CCDC6: variants seen among roughly 807,000 people sequenced by gnomAD.
CCDC6 encodes coiled-coil domain containing 6, also known as coiled-coil domain-containing protein 6.
In CCDC6, 20 loss-of-function variants were observed where a neutral mutation model predicts 56.6. The observed-to-expected ratio is 0.35, with a 90% confidence interval of 0.25 to 0.51. The LOEUF (loss-of-function observed/expected upper bound fraction) is 0.51, where lower values mean the gene tolerates loss of function less well. CCDC6 is among the 20% of genes least tolerant of loss of function. The pLI is 0.95. For synonymous variants in CCDC6, 241 were observed against 234.4 expected (o/e 1.03, Z -0.26); for missense variants, 367 against 601.1 (o/e 0.61, Z 4.07).
intron 3 of CCDC6, among the ~76,000 whole-genome samples, chr10:59,826,049 A>T (rs1317236950): frequency 6.6e-6 from 1 of 152,134 alleles, no homozygotes. Context: ...CCTTTAAGTC[A>T]TCCAGTGTCA....
intron 2 of CCDC6, among the ~76,000 whole-genome samples, chr10:59,852,238 A>T (rs970524411): frequency 1.5e-4 from 23 of 152,284 alleles, no homozygotes; most frequent in South Asian, 4.1e-4. Context: ...AAGGAGAAAA[A>T]TTTCACATTT....
chr10:59,888,590 C>G (rs2071399640), intron 1 of CCDC6, among the ~76,000 whole-genome samples: 1 of 152,130 alleles, frequency 6.6e-6, no homozygotes, highest in Admixed American at 6.5e-5. Context: ...GGCTTAATAG[C>G]AGAGGGGAGA....
At chr10:59,821,446 C>G (rs1177926355) in intron 3 of CCDC6, among the ~76,000 whole-genome samples, 1 of 152,174 alleles carries the variant, frequency 6.6e-6, no homozygotes, top group East Asian at 1.9e-4. Context: ...TGGAAGACAT[C>G]TGACCCTTGC....
At chr10:59,900,141 C>A (rs1203660688) in intron 1 of CCDC6, among the ~76,000 whole-genome samples, 1 of 152,016 alleles carries the variant, frequency 6.6e-6, no homozygotes, top group Non-Finnish European at 1.5e-5. Context: ...CAAATTCTGC[C>A]CCCAAAGAAA....
chr10:59,852,822 T>C, intron 1 of CCDC6, 120 bp from the exon 2 acceptor site: 4 of 732,532 alleles, frequency 5.5e-6, no homozygotes, highest in Non-Finnish European at 8.1e-6. Context: ...TAGAGCTCTA[T>C]TTTTAGCTGT....
At chr10:59,867,644 C>T (rs1313927304) in intron 1 of CCDC6, among the ~76,000 whole-genome samples, 1 of 152,170 alleles carries the variant, frequency 6.6e-6, no homozygotes, top group Non-Finnish European at 1.5e-5. Flanking sequence ...ACCTTGACTT[C>T]CCGGGCTTGA....
intron 2 of CCDC6, among the ~76,000 whole-genome samples, chr10:59,848,578 G>T (rs1056973184): frequency 6.6e-6 from 1 of 152,076 alleles, no homozygotes; most frequent in Non-Finnish European, 1.5e-5. Context: ...CCTGGAAGGT[G>T]AACTGAGATC....
intron 1 of CCDC6, among the ~76,000 whole-genome samples, chr10:59,885,390 A>G (rs1263527579): frequency 1.3e-5 from 2 of 152,220 alleles, no homozygotes; most frequent in East Asian, 1.9e-4. Flanking sequence ...AATTTATTCA[A>G]CTAAAGAAAG....
chr10:59,868,429 C>T (rs376665759), intron 1 of CCDC6, among the ~76,000 whole-genome samples: 4 of 152,122 alleles, frequency 2.6e-5, no homozygotes, highest in Non-Finnish European at 5.9e-5. Context: ...TCCAGCCCGC[C>T]GCCACTAGAC....
At chr10:59,840,502 G>A (rs981793441) in intron 2 of CCDC6, among the ~76,000 whole-genome samples, 1 of 152,144 alleles carries the variant, frequency 6.6e-6, no homozygotes, top group Admixed American at 6.5e-5. Flanking sequence ...CACCTCCTGA[G>A]TAACAGCATT....
chr10:59,826,340 C>A (rs1450742241), intron 3 of CCDC6, among the ~76,000 whole-genome samples: 2 of 152,216 alleles, frequency 1.3e-5, no homozygotes, highest in Non-Finnish European at 2.9e-5. Flanking sequence ...TTTCTCTCCT[C>A]ATTTCTGCCT....
chr10:59,880,904 GTC>G (rs1380889258), intron 1 of CCDC6, among the ~76,000 whole-genome samples: 1 of 152,244 alleles, frequency 6.6e-6, no homozygotes, highest in Non-Finnish European at 1.5e-5. Flanking sequence ...CTGCTATCCA[GTC>G]TCTGCCCAGT....
chr10:59,867,572 G>A (rs1394821108), intron 1 of CCDC6, among the ~76,000 whole-genome samples: 2 of 152,048 alleles, frequency 1.3e-5, no homozygotes, highest in African/African-American at 4.8e-5. Context: ...GTTTGTTTCT[G>A]AGACAAGGTC....
intron 1 of CCDC6, among the ~76,000 whole-genome samples, chr10:59,876,338 C>T (rs2450469): frequency 0.78 from 118,005 of 151,798 alleles, 46,051 homozygotes; most frequent in East Asian, 0.9. Flanking sequence ...TGTGAGCCAC[C>T]GCACCCAGCC....
chr10:59,838,295 T>C (rs2070903843), intron 2 of CCDC6, among the ~76,000 whole-genome samples: 2 of 152,146 alleles, frequency 1.3e-5, no homozygotes, highest in Admixed American at 1.3e-4. Context: ...TCAGGCCTTT[T>C]ATTCCTTTTC....
At chr10:59,885,060 T>TAACAACAACAAC (rs34281702) in intron 1 of CCDC6, among the ~76,000 whole-genome samples, 1 of 148,106 alleles carries the variant, frequency 6.8e-6, no homozygotes, top group Admixed American at 6.7e-5. Context: ...CGAGACTCCG[T>TAACAACAACAAC]AACAACAACA....
intron 1 of CCDC6, among the ~76,000 whole-genome samples, chr10:59,869,405 A>AC (rs1192242168): frequency 4.2e-5 from 4 of 94,876 alleles, no homozygotes; most frequent in African/African-American, 1.7e-4. Context: ...AAAAAAAAAA[A>AC]AAAAAAAAAA....
rs755709133 is a variant in CCDC6 at position 59,792,908 on chromosome 10, G to A, written c.*9C>T. Reference sequence around the variant, plus strand: ...AGTCCCAACTTGAAATTCAGACTAAGCTCATGCATTAAGGCTGGGAGGAGG... The same window carrying A: ...AGTCCCAACTTGAAATTCAGACTAAACTCATGCATTAAGGCTGGGAGGAGG... On this transcript the variant is annotated 3_prime_UTR_variant, in exon 9 of 9. Coordinates refer to ENST00000263102, the MANE Select transcript of CCDC6 (RefSeq NM_005436.5). 1.2e-6 allele frequency: 2 copies of A among 1,610,458 alleles called. No homozygotes were observed. The highest frequency in any genetic ancestry group is 1.1e-5 in the South Asian group (1 of 90,626).
chr10:59,840,975 G>A (rs1220225303), intron 2 of CCDC6, among the ~76,000 whole-genome samples: 2 of 152,190 alleles, frequency 1.3e-5, no homozygotes, highest in African/African-American at 2.4e-5. Context: ...AGCAACCAAA[G>A]CAATCATTTT....
Sources: allele counts gnomAD v4.1 joint callset (sites outside exome capture counted in the v4.1 genomes callset), GRCh38; gene constraint gnomAD v4.1.1; transcripts MANE v1.5; gene names NCBI Gene and HGNC (gene_info 2026-07-23, HGNC 2026-07-21).